Variants in KCNMA1 observed in about 807,000 individuals in gnomAD.
KCNMA1 encodes the protein potassium calcium-activated channel subfamily M alpha 1, also known as Calcium-activated potassium channel subunit alpha-1.
KCNMA1 carries 29 observed loss-of-function variants against 140.0 expected under a neutral mutation model. The ratio of observed to expected loss-of-function variants is 0.21; its 90% CI spans 0.15 to 0.28. The LOEUF (loss-of-function observed/expected upper bound fraction) is 0.28. KCNMA1 is among the 10% of genes least tolerant of loss of function. KCNMA1 has a pLI of 1.00. For missense variants in KCNMA1, 880 were observed against 1,602.2 expected, an observed-to-expected ratio of 0.55 and a Z score of 7.70; for synonymous variants, 612 against 611.9, an observed-to-expected ratio of 1.00 and a Z score of 0.00.
At chr10:77,252,745 C>T (rs1221201507) in intron 2 of KCNMA1, among the ~76,000 whole-genome samples, 4 of 152,100 alleles carry the variant, frequency 2.6e-5, no homozygotes, top group Non-Finnish European at 5.9e-5. Flanking sequence ...GTGGCTTGCA[C>T]AGCCCAGAAA....
intron 1 of KCNMA1, among the ~76,000 whole-genome samples, chr10:77,571,943 C>T (rs978863359): frequency 6.6e-6 from 1 of 152,098 alleles, no homozygotes; most frequent in Non-Finnish European, 1.5e-5. Context: ...AGGAAAGCAG[C>T]AGCAACAAGG....
At chr10:77,029,477 G>C (rs1457581397) in intron 15 of KCNMA1, among the ~76,000 whole-genome samples, 1 of 152,108 alleles carries the variant, frequency 6.6e-6, no homozygotes, top group African/African-American at 2.4e-5. Context: ...ACATGCCTAA[G>C]GTCTCTAGCT....
chr10:77,297,396 T>G (rs2075446224), intron 2 of KCNMA1, among the ~76,000 whole-genome samples: 1 of 152,208 alleles, frequency 6.6e-6, no homozygotes, highest in Admixed American at 6.5e-5. Flanking sequence ...AAAGCCTCAA[T>G]GGAAATTTTA....
In KCNMA1 at chr10:77,381,926, G is replaced by A. The variant is rs764998329; in HGVS notation, c.540+21936C>T. On this transcript the variant is annotated intron_variant, in intron 2 of 27. Transcript: ENST00000286628. ...CTAGCCACATGAGTACTCATAACAGGCTTGACGTCAATTAAATCATACTGG... is the reference window on the plus strand; with the variant it reads ...CTAGCCACATGAGTACTCATAACAGACTTGACGTCAATTAAATCATACTGG... Among the ~76,000 whole-genome samples the A allele has an allele frequency of 6.9e-4, 105 of 152,268 alleles. 2 individuals are homozygous for A. The highest frequency in any genetic ancestry group is 2.5e-4 in the Non-Finnish European group (17 of 68,040).
At chr10:77,633,499 G>A (rs764923153) in intron 1 of KCNMA1, among the ~76,000 whole-genome samples, 2 of 152,094 alleles carry the variant, frequency 1.3e-5, no homozygotes, top group Admixed American at 6.6e-5. Context: ...CAATCCCCAG[G>A]ACAGGATGAG....
chr10:77,519,920 A>AGGTGTGCAGTATGCAGCGTGAG (rs1555412621), intron 1 of KCNMA1, among the ~76,000 whole-genome samples: 5 of 151,106 alleles, frequency 3.3e-5, no homozygotes, highest in Non-Finnish European at 5.9e-5. Context: ...ATGCAGTGTG[A>AGGTGTGCAGTATGCAGCGTGAG]GGTGTGCAGT....
chr10:76,956,032 T>C (rs779332292), intron 20 of KCNMA1, among the ~76,000 whole-genome samples: 2 of 152,148 alleles, frequency 1.3e-5, no homozygotes, highest in South Asian at 2.1e-4. Context: ...CTCAGAACTA[T>C]GTTCCCATAA....
intron 18 of KCNMA1, among the ~76,000 whole-genome samples, chr10:77,007,653 G>GTGTGTGTAGATATATATATATATATATA: frequency 1.1e-5 from 1 of 88,482 alleles, no homozygotes; most frequent in Non-Finnish European, 2.3e-5. Context: ...TTGTGTGTGT[G>GTGTGTGTAGATATATATATATATATATA]TATATATATA....
intron 22 of KCNMA1, 35 bp from the exon 23 acceptor site, chr10:76,945,000 G>C: frequency 1.3e-6 from 2 of 1,567,432 alleles, no homozygotes; most frequent in South Asian, 2.2e-5. Flanking sequence ...AAACAGAGAT[G>C]GGGGGAGAAA....
intron 1 of KCNMA1, among the ~76,000 whole-genome samples, chr10:77,481,985 C>T (rs773107113): frequency 1.3e-5 from 2 of 152,184 alleles, no homozygotes; most frequent in Non-Finnish European, 2.9e-5. Flanking sequence ...AGACTCAGGG[C>T]CAGATCCCTG....
intron 2 of KCNMA1, among the ~76,000 whole-genome samples, chr10:77,273,886 C>T (rs563547900): frequency 6.6e-6 from 1 of 152,130 alleles, no homozygotes. Context: ...AGATGATATT[C>T]TAGTGGGGAA....
chr10:76,954,795 A>G (rs2067572603), intron 20 of KCNMA1, among the ~76,000 whole-genome samples: 1 of 152,210 alleles, frequency 6.6e-6, no homozygotes. Flanking sequence ...CTATTGGTGG[A>G]AAAGGAAGAT....
Position 77,347,359 on chromosome 10 carries a change from A to G in KCNMA1, c.540+56503T>C, listed in dbSNP as rs139941852. 2.0e-3 allele frequency among the ~76,000 whole-genome samples: 312 copies of G among 152,332 alleles called. 1 individual carries two copies. Among genetic ancestry groups the G allele is most frequent in the African/African-American group, 7.0e-3 (292 of 41,576 alleles). The stretch of plus-strand genomic sequence containing the variant: ...CAGAAAAGTTAAGTAACCTGCACAA[A>G]GGCAAGGAGGTAGAGACGAGTGAAC... On this transcript the variant is annotated intron_variant, in intron 2 of 27. Coordinates refer to ENST00000286628, the MANE Select transcript of KCNMA1 (RefSeq NM_001161352.2).
intron 19 of KCNMA1, among the ~76,000 whole-genome samples, chr10:76,993,613 CTGTT>C (rs1380468364): frequency 1.3e-5 from 2 of 152,236 alleles, no homozygotes; most frequent in Admixed American, 6.5e-5. Flanking sequence ...AGGCTCCCCT[CTGTT>C]TGTCTCCTCC....
intron 14 of KCNMA1, chr10:77,064,109 A>G (rs1251012309): frequency 1.3e-5 from 13 of 985,284 alleles, no homozygotes; most frequent in Non-Finnish European, 1.6e-5. Context: ...AGTCCATGCC[A>G]AGACCCATAT....
intron 5 of KCNMA1, among the ~76,000 whole-genome samples, chr10:77,153,929 A>G (rs957231360): frequency 4.6e-5 from 7 of 152,150 alleles, no homozygotes; most frequent in Non-Finnish European, 8.8e-5. Context: ...CGTCATTTGT[A>G]AAATGAGAAA....
At chr10:76,941,622 ACT>A (rs2062443770) in intron 23 of KCNMA1, among the ~76,000 whole-genome samples, 1 of 152,054 alleles carries the variant, frequency 6.6e-6, no homozygotes, top group African/African-American at 2.4e-5. Flanking sequence ...GAGCTTTGAC[ACT>A]CTCTCTTAGG....
chr10:77,463,056 T>C (rs2097908945), intron 1 of KCNMA1, among the ~76,000 whole-genome samples: 2 of 152,090 alleles, frequency 1.3e-5, no homozygotes, highest in Non-Finnish European at 2.9e-5. Context: ...ACTAAAGTGG[T>C]CCTGGCCCCA....
At chr10:77,139,837 G>A (rs1871064) in intron 5 of KCNMA1, among the ~76,000 whole-genome samples, 16,249 of 151,974 alleles carry the variant, frequency 0.11, 2,337 homozygotes, top group East Asian at 0.73. Flanking sequence ...AGACAGGCAA[G>A]ACCACGCTCC....
Sources: gnomAD v4.1 joint callset for allele counts (sites outside exome capture counted in the v4.1 genomes callset) on GRCh38, gnomAD v4.1.1 for gene constraint, MANE v1.5 for transcripts, NCBI Gene and HGNC (gene_info 2026-07-23, HGNC 2026-07-21) for gene names.